Variants in EFCAB13 observed in about 807,000 individuals in gnomAD.
The protein encoded by EFCAB13 is EF-hand calcium-binding domain-containing protein 13.
A neutral mutation model predicts 110.2 loss-of-function variants in EFCAB13; 91 were observed. That is an observed-to-expected ratio of 0.83 (90% CI 0.70 to 0.98). EFCAB13 has a LOEUF of 0.98. EFCAB13 is among the 50% of genes least tolerant of loss of function. The pLI is 0.00. For missense variants in EFCAB13, 968 were observed against 1,119.4 expected (o/e 0.86, Z 1.93); for synonymous variants, 323 against 369.9 (o/e 0.87, Z 1.45).
At chr17:47,388,821 C>T (rs1280055457) in intron 14 of EFCAB13, among the ~76,000 whole-genome samples, 2 of 152,096 alleles carry the variant, frequency 1.3e-5, no homozygotes, top group African/African-American at 2.4e-5. Flanking sequence ...AACTCTTAAA[C>T]TGTCAAAACT....
Position 47,440,718 on chromosome 17 carries a change from G to A in EFCAB13, c.*4G>A. ...TAACCCAAACTCAAAATTTTAGGTA[G>A]TCTTACTTGATAGTGCTAGAAAATT... On this transcript the variant is annotated 3_prime_UTR_variant, in exon 25 of 25. Coordinates refer to ENST00000331493, the MANE Select transcript of EFCAB13 (RefSeq NM_152347.5). 2 of 1,546,458 alleles carry A rather than the reference G, an allele frequency of 1.3e-6. No individual in the cohort carries two copies. Among genetic ancestry groups the A allele is most frequent in the Non-Finnish European group, 1.7e-6 (2 of 1,152,512 alleles).
chr17:47,440,591 T>A lies in EFCAB13; in HGVS notation c.2799T>A (p.Val933=). The part of the protein sequence containing the change: ...YMLKTIQDSI[V]KAQVSKKQYN... ...TAAAAACAATACAGGATTCGATAGT[T>A]AAAGCACAGGTAAGTAAGAAGCAAT... Residue 933 remains valine, a synonymous_variant, in exon 25 of 25, where the codon GTT becomes GTA. Transcript: ENST00000331493. 6.2e-7 allele frequency: 1 copy of A among 1,613,172 alleles called. No individual in the cohort carries two copies.
intron 17 of EFCAB13, among the ~76,000 whole-genome samples, chr17:47,397,405 C>T (rs1005196600): frequency 7.9e-5 from 12 of 152,004 alleles, no homozygotes; most frequent in Non-Finnish European, 1.3e-4. Context: ...CCCAAAGTGC[C>T]GAGATTGCAG....
chr17:47,373,490 C>G (rs2065597091), intron 11 of EFCAB13, among the ~76,000 whole-genome samples: 1 of 152,044 alleles, frequency 6.6e-6, no homozygotes. Flanking sequence ...ATTATGTCTC[C>G]TTGATTTTTC....
intron 17 of EFCAB13, among the ~76,000 whole-genome samples, chr17:47,397,028 C>G (rs1233382045): frequency 7.2e-6 from 1 of 138,328 alleles, no homozygotes; most frequent in Non-Finnish European, 1.6e-5. Flanking sequence ...CTCTCCCCCT[C>G]CCCCTCCCCC....
chr17:47,330,629 T>C (rs1205859752), intron 4 of EFCAB13, among the ~76,000 whole-genome samples: 2 of 152,158 alleles, frequency 1.3e-5, no homozygotes, highest in Admixed American at 1.3e-4. Flanking sequence ...AAAGACATTA[T>C]TTTGTTCTTT....
At chr17:47,358,331 G>A (rs1184912182) in intron 9 of EFCAB13, among the ~76,000 whole-genome samples, 4 of 151,980 alleles carry the variant, frequency 2.6e-5, no homozygotes, top group Non-Finnish European at 2.9e-5. Context: ...AAAAATAAAA[G>A]GGAAAAATGC....
chr17:47,419,381 GAGACC>G (rs1904554492), intron 23 of EFCAB13, among the ~76,000 whole-genome samples: 1 of 152,120 alleles, frequency 6.6e-6, no homozygotes, highest in African/African-American at 2.4e-5. Context: ...CCAGGAATTT[GAGACC>G]AGCCTGGGCA....
At chr17:47,430,023 T>C in intron 24 of EFCAB13, 62 bp downstream of exon 24, 1 of 1,490,580 alleles carries the variant, frequency 6.7e-7, no homozygotes, top group Non-Finnish European at 9.0e-7. Context: ...GTGGAAGGTC[T>C]ATGGGTAGGA....
At chr17:47,390,036 G>C (rs2143406721) in intron 14 of EFCAB13, among the ~76,000 whole-genome samples, 1 of 152,258 alleles carries the variant, frequency 6.6e-6, no homozygotes, top group South Asian at 2.1e-4. Context: ...ATCATCACTT[G>C]TTTGTTTAGA....
At chr17:47,376,618 AC>A (rs1426679307) in intron 12 of EFCAB13, among the ~76,000 whole-genome samples, 7 of 152,214 alleles carry the variant, frequency 4.6e-5, no homozygotes, top group African/African-American at 1.7e-4. Flanking sequence ...CTTAAGAGTC[AC>A]AAAAATAGTA....
At chr17:47,361,309 G>C in intron 9 of EFCAB13, 69 bp from the exon 10 acceptor site, 3 of 1,490,642 alleles carry the variant, frequency 2.0e-6, no homozygotes, top group Non-Finnish European at 2.8e-6. Flanking sequence ...GTAGGCTATT[G>C]ACACAAAATC....
chr17:47,439,511 C>T (rs186611183), intron 24 of EFCAB13, among the ~76,000 whole-genome samples: 75 of 152,184 alleles, frequency 4.9e-4, no homozygotes, highest in Non-Finnish European at 8.8e-4. Flanking sequence ...CTGAAGCTGA[C>T]TGCGCTGGTC....
At chr17:47,348,785 A>T (rs1243172231) in intron 9 of EFCAB13, among the ~76,000 whole-genome samples, 5 of 150,402 alleles carry the variant, frequency 3.3e-5, no homozygotes, top group Non-Finnish European at 5.9e-5. Context: ...GTATTTTGAG[A>T]TTCTTTATAT....
chr17:47,427,571 A>T (rs1379182863), intron 23 of EFCAB13, among the ~76,000 whole-genome samples: 1 of 152,068 alleles, frequency 6.6e-6, no homozygotes, highest in Non-Finnish European at 1.5e-5. Context: ...TAATGCTTCT[A>T]TAGAAGTTGT....
At chr17:47,432,088 T>G (rs191027497) in intron 24 of EFCAB13, among the ~76,000 whole-genome samples, 309 of 152,090 alleles carry the variant, frequency 2.0e-3, no homozygotes, top group African/African-American at 7.0e-3. Flanking sequence ...AAACCGTGTC[T>G]CTACAAAAAC....
rs2065796766 is a variant in EFCAB13 at position 47,404,721 on chromosome 17, AATCTTCTTTATAGT to A, written c.2233+93_2233+106del. 1.1e-5 allele frequency: 11 copies of A among 967,014 alleles called. No individual in the cohort carries two copies. In the East Asian group the frequency reaches 2.8e-4, roughly 25 times the overall value. 59.9% of individuals were successfully genotyped at this position (967,014 alleles called of 1,614,324 possible). On this transcript the variant is annotated intron_variant, in intron 20 of 24. Transcript: ENST00000331493. ...AGTAAAACCCTAAATTTGGTGTTTA[AATCTTCTTTATAGT>A]ATCTGTGCCAAATGTTTGCTTCATG...
chr17:47,427,234 A>G (rs1904991622), intron 23 of EFCAB13, among the ~76,000 whole-genome samples: 1 of 152,114 alleles, frequency 6.6e-6, no homozygotes, highest in Non-Finnish European at 1.5e-5. Flanking sequence ...TGCCTCCTAT[A>G]TATTACATTT....
At chr17:47,330,785 C>T (rs536685002) in intron 4 of EFCAB13, among the ~76,000 whole-genome samples, 1 of 151,280 alleles carries the variant, frequency 6.6e-6, no homozygotes, top group South Asian at 2.1e-4. Flanking sequence ...TTTTTTGATA[C>T]AACAACTTTT....
Sources: allele counts gnomAD v4.1 joint callset (sites outside exome capture counted in the v4.1 genomes callset), GRCh38; gene constraint gnomAD v4.1.1; transcripts MANE v1.5; gene names NCBI Gene and HGNC (gene_info 2026-07-23, HGNC 2026-07-21).